MACF1: variants seen among roughly 807,000 people sequenced by gnomAD.
The protein encoded by MACF1 is microtubule actin crosslinking factor 1, also known as microtubule-actin cross-linking factor 1.
MACF1 carries 193 observed loss-of-function variants against 854.8 expected under a neutral mutation model. The ratio of observed to expected loss-of-function variants is 0.23; its 90% CI spans 0.20 to 0.25. The LOEUF is 0.25. Ranked by LOEUF, MACF1 falls within the 10% of genes least tolerant of loss-of-function variation. The pLI is 1.00. For synonymous variants in MACF1, 3,185 were observed against 3,226.7 expected (o/e 0.99, Z 0.44); for missense variants, 7,722 against 8,929.1 (o/e 0.86, Z 5.45).
At chr1:39,114,910 C>T (rs747520344) in intron 2 of MACF1, among the ~76,000 whole-genome samples, 26 of 152,004 alleles carry the variant, frequency 1.7e-4, no homozygotes, top group Admixed American at 6.6e-5. Context: ...GGACCCTGAG[C>T]AAAAAGTTTG....
At chr1:39,222,957 C>T (rs1161625835) in intron 1 of MACF1, among the ~76,000 whole-genome samples, 2 of 152,264 alleles carry the variant, frequency 1.3e-5, no homozygotes, top group East Asian at 3.9e-4. Flanking sequence ...CCCTCAAATG[C>T]AGGCTTTCAT....
chr1:39,340,108 A>G lies in MACF1; in HGVS notation c.10216-394A>G, dbSNP rs570933699. On this transcript the variant is annotated intron_variant, in intron 38 of 100. Transcript: ENST00000564288. ...ATCCGTTCGGTTTATTTTGTAGCAC[A>G]TTAATTCTGCACAGCTGCTCCTTGG... Among the ~76,000 whole-genome samples the G allele has an allele frequency of 2.9e-4, 44 of 152,306 alleles. 1 individual carries two copies. The highest frequency in any genetic ancestry group is 1.1e-3 in the African/African-American group (44 of 41,578).
intron 2 of MACF1, among the ~76,000 whole-genome samples, chr1:39,172,585 A>G (rs543268063): frequency 1.3e-5 from 2 of 152,250 alleles, no homozygotes; most frequent in Admixed American, 1.3e-4. Context: ...TACTAATCAC[A>G]CATTAATTTG....
intron 51 of MACF1, among the ~76,000 whole-genome samples, chr1:39,371,838 G>C (rs1487720345): frequency 3.4e-5 from 5 of 148,926 alleles, no homozygotes; most frequent in Non-Finnish European, 7.4e-5. Context: ...TTTTAAGACG[G>C]AGTCTCACTC....
At chr1:39,376,277 AAC>A (rs1459510115) in intron 52 of MACF1, among the ~76,000 whole-genome samples, 1 of 152,212 alleles carries the variant, frequency 6.6e-6, no homozygotes, top group Non-Finnish European at 1.5e-5. Flanking sequence ...CCAAACATTA[AAC>A]ACAATCCCTA....
chr1:39,108,506 G>GTTTTTT (rs778050199), intron 2 of MACF1, among the ~76,000 whole-genome samples: 2 of 120,670 alleles, frequency 1.7e-5, no homozygotes, highest in Non-Finnish European at 3.5e-5. Flanking sequence ...ACATGAGAGG[G>GTTTTTT]TTTTTTTTTT....
rs764247630 is a variant in MACF1 at position 39,387,386 on chromosome 1, C to T, written c.14544C>T (p.Gly4848=). ...EFQKSLNQHS[G]SYEVIVAEGE... is the part of the protein sequence containing the mutation. ...AGAAAAGTCTTAATCAACACAGTGG[C>T]TCCTATGAGGTGATTGTGGCTGAAG... The change falls in exon 58 of 101, where the codon GGC becomes GGT. Residue 4848 remains glycine, a synonymous_variant. Coordinates refer to ENST00000564288, the MANE Select transcript of MACF1 (RefSeq NM_001394062.1). The T allele has an allele frequency of 5.3e-5, 85 of 1,614,020 alleles. 2 individuals carry two copies. In the South Asian group the frequency reaches 9.0e-4, roughly 17 times the overall value.
intron 2 of MACF1, among the ~76,000 whole-genome samples, chr1:39,191,940 C>T (rs571660780): frequency 4.6e-5 from 7 of 152,144 alleles, no homozygotes; most frequent in African/African-American, 1.4e-4. Context: ...CACTTGAGGC[C>T]AGGAGTTCGA....
Position 39,302,999 on chromosome 1 carries a change from A to C in MACF1, c.2710A>C (p.Thr904Pro). The change falls in exon 23 of 101, where the codon ACA becomes CCA. Residue 904 changes from threonine to proline, a missense_variant. This residue lies in a region of MACF1 where 1,137 missense variants were observed against 1,263.0 expected (regional missense o/e 0.90). Transcript: ENST00000564288. ...QRTKWKVISPTGNEAMVPSVC... is the reference protein window; with the variant it reads ...QRTKWKVISPPGNEAMVPSVC... ...GACCAAATGGAAAGTGATCAGCCCC[A>C]CAGGGAACGAGGCAATGGTGCCGTC... is the stretch of plus-strand genomic sequence containing the variant. 6.2e-7 allele frequency: 1 copy of C among 1,614,212 alleles called. No homozygotes were observed. The highest frequency in any genetic ancestry group is 8.5e-7 in the Non-Finnish European group (1 of 1,180,020).
intron 97 of MACF1, among the ~76,000 whole-genome samples, chr1:39,470,424 G>A (rs1412890224): frequency 1.3e-5 from 2 of 152,134 alleles, no homozygotes; most frequent in African/African-American, 4.8e-5. Flanking sequence ...GAGGATTGTT[G>A]AAGCTCAGAA....
In MACF1 at chr1:39,455,042, A is replaced by G. The variant is rs1238062886; in HGVS notation, c.21020A>G (p.Gln7007Arg). ...WAETTLIQRD[Q>R]EPIPQNIDRV... ...GAGACCACCCTCATTCAGCGGGATC[A>G]GGAGCCAATCCCGCAGAACATTGAC... Residue 7007 changes from glutamine to arginine, a missense_variant, in exon 89 of 101, where the codon CAG becomes CGG. By Grantham distance (43) the Gln-to-Arg change is conservative. This residue lies in a region of MACF1 where 729 missense variants were observed against 900.5 expected (regional missense o/e 0.81). Transcript: ENST00000564288. 9 of 1,614,084 alleles carry G rather than the reference A, an allele frequency of 5.6e-6. No individual in the cohort carries two copies. The highest frequency in any genetic ancestry group is 7.6e-6 in the Non-Finnish European group (9 of 1,180,042).
chr1:39,291,067 G>A (rs1645774377), intron 15 of MACF1, among the ~76,000 whole-genome samples: 1 of 151,724 alleles, frequency 6.6e-6, no homozygotes. Context: ...TGACTCCTGG[G>A]TTCAAGCCAA....
intron 2 of MACF1, among the ~76,000 whole-genome samples, chr1:39,122,088 C>T (rs780910436): frequency 3.9e-5 from 6 of 151,990 alleles, no homozygotes; most frequent in African/African-American, 4.8e-5. Context: ...GTGTCTGTAG[C>T]GCTCTTGAGT....
intron 2 of MACF1, among the ~76,000 whole-genome samples, chr1:39,178,181 C>T (rs76518773): frequency 1.2e-4 from 16 of 137,570 alleles, no homozygotes; most frequent in East Asian, 2.1e-4. Context: ...TTTCAACATT[C>T]TTTTTTTTTT....
At chr1:39,190,975 AGAGTGAGACTGT>A (rs1644248796) in intron 2 of MACF1, among the ~76,000 whole-genome samples, 1 of 152,272 alleles carries the variant, frequency 6.6e-6, no homozygotes. Context: ...CCTGAGTGAC[AGAGTGAGACTGT>A]GTCTCAAAAA....
In MACF1 at chr1:39,334,095, G is replaced by A. The variant is rs1447625082; in HGVS notation, c.7507G>A (p.Val2503Ile). 1 of 1,614,160 alleles carries A rather than the reference G, an allele frequency of 6.2e-7. No homozygotes were observed. Residue 2503 changes from valine to isoleucine, a missense_variant, in exon 37 of 101, where the codon GTA becomes ATA. Around this residue, in one of 15 missense-constraint regions of MACF1, gnomAD observed 1,531 missense variants for 1,601.6 expected, o/e 0.96. Transcript: ENST00000564288. ...CGTTCGTTTGTTGACTAAGCAAGTG[G>A]TAGATGGAGGTATCATTCACCATAT... ...EAVRLLTKQV[V>I]DGGIIHHISG...
At chr1:39,262,397 CAAAAAAAAAA>C (rs56376033) in intron 6 of MACF1, among the ~76,000 whole-genome samples, 1 of 68,804 alleles carries the variant, frequency 1.5e-5, no homozygotes, top group Admixed American at 2.5e-4. Flanking sequence ...GACTCCATCA[CAAAAAAAAAA>C]AAAAAAAAAA....
At chr1:39,234,368 G>A (rs1238863429) in intron 2 of MACF1, among the ~76,000 whole-genome samples, 6 of 151,484 alleles carry the variant, frequency 4.0e-5, no homozygotes, top group African/African-American at 9.7e-5. Context: ...AGGGGCGGCC[G>A]GGCAGAGGCG....
At chr1:39,122,856 C>T (rs1642751430) in intron 2 of MACF1, among the ~76,000 whole-genome samples, 1 of 152,158 alleles carries the variant, frequency 6.6e-6, no homozygotes, top group South Asian at 2.1e-4. Flanking sequence ...CCCAGATCAT[C>T]CAAGGTTAAC....
Sources: allele counts gnomAD v4.1 joint callset (sites outside exome capture counted in the v4.1 genomes callset), GRCh38; gene constraint gnomAD v4.1.1; regional missense constraint gnomAD v4.1.1; transcripts MANE v1.5; gene names NCBI Gene and HGNC (gene_info 2026-07-23, HGNC 2026-07-21).